MARCHF11: variants seen among roughly 807,000 people sequenced by gnomAD.
MARCHF11 encodes the protein E3 ubiquitin-protein ligase MARCHF11.
A neutral mutation model predicts 37.3 loss-of-function variants in MARCHF11; 29 were observed. The ratio of observed to expected loss-of-function variants is 0.78; its 90% CI spans 0.58 to 1.06. MARCHF11 has a LOEUF of 1.06. Among genes scored for constraint, MARCHF11 ranks in the 50% least tolerant of loss-of-function variants. MARCHF11 has a pLI of 0.00. For synonymous variants in MARCHF11, 233 were observed against 228.0 expected (o/e 1.02, Z -0.20); for missense variants, 482 against 533.4 (o/e 0.90, Z 0.95).
intron 2 of MARCHF11, among the ~76,000 whole-genome samples, chr5:16,114,410 C>A (rs1737197893): frequency 6.6e-6 from 1 of 152,162 alleles, no homozygotes; most frequent in African/African-American, 2.4e-5. Flanking sequence ...AGAAAAAATA[C>A]AGAAGTCTAA....
intron 3 of MARCHF11, among the ~76,000 whole-genome samples, chr5:16,072,286 T>C (rs1286127502): frequency 1.3e-5 from 2 of 152,166 alleles, no homozygotes; most frequent in African/African-American, 4.8e-5. Context: ...AAGTCTCTTG[T>C]AATCACAGAA....
chr5:16,126,858 A>G (rs1485642876), intron 2 of MARCHF11, among the ~76,000 whole-genome samples: 1 of 152,170 alleles, frequency 6.6e-6, no homozygotes, highest in Non-Finnish European at 1.5e-5. Flanking sequence ...GTTAGCATCT[A>G]CCATTACTAG....
At chr5:16,090,763 T>C (rs1052178049) in intron 3 of MARCHF11, 126 bp downstream of exon 3, 117 of 674,122 alleles carry the variant, frequency 1.7e-4, no homozygotes, top group Non-Finnish European at 2.5e-4. Flanking sequence ...CGCAGCTAAT[T>C]CATTAACAGG....
intron 3 of MARCHF11, among the ~76,000 whole-genome samples, chr5:16,071,391 G>A (rs80245773): frequency 0.018 from 2,804 of 152,264 alleles, 71 homozygotes; most frequent in African/African-American, 0.064. Context: ...TACTAGTAAT[G>A]TTTAACTGGA....
intron 2 of MARCHF11, among the ~76,000 whole-genome samples, chr5:16,105,747 A>C (rs530253973): frequency 2.1e-4 from 32 of 152,222 alleles, no homozygotes; most frequent in African/African-American, 7.5e-4. Flanking sequence ...GCCCATCAGA[A>C]GGCCAAACAC....
chr5:16,135,210 C>T (rs1199287020), intron 2 of MARCHF11, among the ~76,000 whole-genome samples: 3 of 152,018 alleles, frequency 2.0e-5, no homozygotes, highest in Non-Finnish European at 4.4e-5. Flanking sequence ...CTGAGGTGAA[C>T]AGAAATAAAC....
intron 2 of MARCHF11, among the ~76,000 whole-genome samples, chr5:16,126,422 A>G (rs1441394767): frequency 1.3e-5 from 2 of 152,234 alleles, no homozygotes; most frequent in African/African-American, 4.8e-5. Flanking sequence ...AATTTTTAAC[A>G]CATGAATTAT....
At chr5:16,098,172 G>A (rs1269507550) in intron 2 of MARCHF11, among the ~76,000 whole-genome samples, 1 of 152,088 alleles carries the variant, frequency 6.6e-6, no homozygotes, top group African/African-American at 2.4e-5. Context: ...CCTGAAAAGG[G>A]CATCTAAAAA....
intron 3 of MARCHF11, among the ~76,000 whole-genome samples, chr5:16,076,109 G>A (rs894753332): frequency 6.6e-6 from 1 of 152,174 alleles, no homozygotes. Context: ...CTGACCTCTT[G>A]CTTTTCTAAG....
chr5:16,123,943 T>C (rs1737357114), intron 2 of MARCHF11, among the ~76,000 whole-genome samples: 1 of 152,120 alleles, frequency 6.6e-6, no homozygotes, highest in Non-Finnish European at 1.5e-5. Context: ...GATAGAACAT[T>C]TAAATCAGGA....
intron 3 of MARCHF11, among the ~76,000 whole-genome samples, chr5:16,071,957 G>GTT (rs59440529): frequency 0.018 from 2,768 of 151,596 alleles, 69 homozygotes; most frequent in African/African-American, 0.063. Flanking sequence ...GTGTTTTTTT[G>GTT]TTTTTTTTGT....
intron 3 of MARCHF11, among the ~76,000 whole-genome samples, chr5:16,082,522 A>G (rs1736629122): frequency 6.6e-6 from 1 of 152,226 alleles, no homozygotes; most frequent in Admixed American, 6.5e-5. Flanking sequence ...TTTGGGCAAG[A>G]GGAGAAGAAT....
At chr5:16,169,605 G>C (rs1449604277) in intron 2 of MARCHF11, among the ~76,000 whole-genome samples, 1 of 152,064 alleles carries the variant, frequency 6.6e-6, no homozygotes, top group East Asian at 1.9e-4. Flanking sequence ...TCATATAACA[G>C]GTTCCAGTCC....
Position 16,094,194 on chromosome 5 carries a change from T to C in MARCHF11, c.694-3113A>G, listed in dbSNP as rs893589971. ...CTACCATTATGTGCAAAAAGGAGGG[T>C]TGTTCTCATTCTTCCGCTAGAAGAA... On this transcript the variant is annotated intron_variant, in intron 2 of 3. Transcript: ENST00000332432. 2.0e-5 allele frequency among the ~76,000 whole-genome samples: 3 copies of C among 152,094 alleles called. No individual in the cohort carries two copies. In the East Asian group the frequency reaches 5.8e-4, roughly 29 times the overall value.
chr5:16,074,909 C>A (rs1736492653), intron 3 of MARCHF11, among the ~76,000 whole-genome samples: 1 of 152,174 alleles, frequency 6.6e-6, no homozygotes, highest in Admixed American at 6.5e-5. Flanking sequence ...TTCTATGACA[C>A]TGACACTATG....
chr5:16,074,920 T>G (rs1282050412), intron 3 of MARCHF11, among the ~76,000 whole-genome samples: 1 of 152,048 alleles, frequency 6.6e-6, no homozygotes, highest in Non-Finnish European at 1.5e-5. Context: ...TGACACTATG[T>G]CCCCCTGTCT....
chr5:16,078,649 AG>A (rs1439766503), intron 3 of MARCHF11, among the ~76,000 whole-genome samples: 1 of 152,176 alleles, frequency 6.6e-6, no homozygotes, highest in Non-Finnish European at 1.5e-5. Context: ...CCAGAGGGGC[AG>A]GGTTCGTTCT....
chr5:16,116,367 T>C (rs892961521), intron 2 of MARCHF11, among the ~76,000 whole-genome samples: 2 of 152,160 alleles, frequency 1.3e-5, no homozygotes, highest in African/African-American at 4.8e-5. Context: ...TCCAATCCCA[T>C]GCTCTATCTA....
chr5:16,160,915 C>T (rs1239641146), intron 2 of MARCHF11, among the ~76,000 whole-genome samples: 1 of 151,974 alleles, frequency 6.6e-6, no homozygotes, highest in Non-Finnish European at 1.5e-5. Flanking sequence ...GTGTGAAACA[C>T]TAGAGGGCAG....
Sources: allele counts gnomAD v4.1 joint callset (sites outside exome capture counted in the v4.1 genomes callset), GRCh38; gene constraint gnomAD v4.1.1; transcripts MANE v1.5; gene names NCBI Gene and HGNC (gene_info 2026-07-23, HGNC 2026-07-21).